The following TMEM132B variants were observed in gnomAD, a reference collection of about 807,000 sequenced individuals.
The protein encoded by TMEM132B is transmembrane protein 132B.
TMEM132B carries 18 observed loss-of-function variants against 90.8 expected under a neutral mutation model. That is an observed-to-expected ratio of 0.20 (90% confidence interval 0.14 to 0.29). The LOEUF is 0.29. TMEM132B is among the 10% of genes least tolerant of loss of function. TMEM132B has a pLI of 1.00. For missense variants in TMEM132B, 1,096 were observed against 1,326.8 expected (o/e 0.83, Z 2.70); for synonymous variants, 504 against 523.3 (o/e 0.96, Z 0.50).
At chr12:125,483,594 G>A (rs1204457636) in intron 3 of TMEM132B, among the ~76,000 whole-genome samples, 1 of 152,196 alleles carries the variant, frequency 6.6e-6, no homozygotes, top group Non-Finnish European at 1.5e-5. Flanking sequence ...CAACTAGACA[G>A]GGACTATTGC....
chr12:125,299,400 C>A (rs750931593), intron 1 of TMEM132B, among the ~76,000 whole-genome samples: 1 of 152,160 alleles, frequency 6.6e-6, no homozygotes, highest in Non-Finnish European at 1.5e-5. Context: ...ATCTCCCTGA[C>A]CTTCGGCATC....
chr12:125,515,235 C>T (rs920394099), intron 3 of TMEM132B, among the ~76,000 whole-genome samples: 2 of 148,492 alleles, frequency 1.3e-5, no homozygotes, highest in African/African-American at 5.0e-5. Flanking sequence ...TTCTCTCACA[C>T]ACATGCATTC....
At position 125,349,621 on chromosome 12, in the gene TMEM132B, C is replaced by A; in HGVS notation, c.237C>A (p.Phe79Leu). The change falls in exon 2 of 9, where the codon TTC (phenylalanine) becomes TTA (leucine). Residue 79 changes from phenylalanine to leucine, a missense_variant. Physicochemically the swap from Phe to Leu is conservative, Grantham distance 22. Coordinates refer to ENST00000682704, the MANE Select transcript of TMEM132B (RefSeq NM_001366854.1). This position sits in a 1 kb window ranked among gnomAD's most constrained non-coding sequence, Gnocchi z 4.1. ...TGCAGGCCCGGGTGGAGCCATTCTTCATCTACCGAGCCAGGACACCCCCTA... is the reference window on the plus strand; with the variant it reads ...TGCAGGCCCGGGTGGAGCCATTCTTAATCTACCGAGCCAGGACACCCCCTA... ...SSLQARVEPF[F>L]IYRARTPPII... 2.5e-6 allele frequency: 4 copies of A among 1,614,164 alleles called. No individual in the cohort carries two copies. In the South Asian group the frequency reaches 4.4e-5, roughly 18 times the overall value.
intron 1 of TMEM132B, among the ~76,000 whole-genome samples, chr12:125,328,008 G>A (rs944966783): frequency 2.6e-5 from 4 of 152,236 alleles, no homozygotes; most frequent in South Asian, 2.1e-4. Flanking sequence ...TACAAGGACC[G>A]TCTTTGGCCC....
intron 5 of TMEM132B, among the ~76,000 whole-genome samples, chr12:125,589,640 A>G (rs989866646): frequency 6.6e-6 from 1 of 152,130 alleles, no homozygotes; most frequent in African/African-American, 2.4e-5. Flanking sequence ...GCCATATCAG[A>G]AGATGAAGGA....
At chr12:125,215,384 C>G (rs1873410506) in intron 1 of TMEM132B, among the ~76,000 whole-genome samples, 1 of 152,178 alleles carries the variant, frequency 6.6e-6, no homozygotes, top group Non-Finnish European at 1.5e-5. Flanking sequence ...GGGAGAATCT[C>G]TTTTTTCTTG....
At chr12:125,360,267 A>G (rs1877918361) in intron 2 of TMEM132B, among the ~76,000 whole-genome samples, 1 of 152,162 alleles carries the variant, frequency 6.6e-6, no homozygotes, top group South Asian at 2.1e-4. Context: ...TTACTCTTAC[A>G]CCCCAAACCT....
intron 5 of TMEM132B, among the ~76,000 whole-genome samples, chr12:125,608,013 C>T (rs559762484): frequency 6.6e-6 from 1 of 152,136 alleles, no homozygotes; most frequent in East Asian, 1.9e-4. Flanking sequence ...GGGTTGATTT[C>T]ACTTTTTGAG....
intron 2 of TMEM132B, among the ~76,000 whole-genome samples, chr12:125,374,695 G>A (rs549867367): frequency 6.6e-6 from 1 of 151,792 alleles, no homozygotes; most frequent in South Asian, 2.1e-4. Flanking sequence ...TTTCTGCTTG[G>A]CAACCTTGCA....
At chr12:125,409,565 G>C (rs550767858) in intron 2 of TMEM132B, among the ~76,000 whole-genome samples, 39 of 150,140 alleles carry the variant, frequency 2.6e-4, no homozygotes, top group African/African-American at 9.3e-4. Context: ...GGACAGTGGA[G>C]TGGAGTGAGT....
intron 1 of TMEM132B, chr12:125,301,401 G>GC (rs1875820416): frequency 6.6e-6 from 1 of 152,262 alleles, no homozygotes; most frequent in African/African-American, 2.4e-5. Context: ...CAGGGGGATG[G>GC]CCCGTGCACC....
chr12:125,422,843 C>T (rs1029002057), intron 3 of TMEM132B, among the ~76,000 whole-genome samples: 9 of 152,210 alleles, frequency 5.9e-5, no homozygotes, highest in Admixed American at 1.3e-4. Context: ...TTTCTTTCAA[C>T]ACCTTGACTT....
At chr12:125,197,176 C>T (rs1048269515) in intron 1 of TMEM132B, among the ~76,000 whole-genome samples, 1 of 152,010 alleles carries the variant, frequency 6.6e-6, no homozygotes, top group Non-Finnish European at 1.5e-5. Context: ...TCCTGTAGGC[C>T]CCAGTGTGTG....
intron 1 of TMEM132B, among the ~76,000 whole-genome samples, chr12:125,258,803 A>G (rs555688281): frequency 6.6e-6 from 1 of 152,346 alleles, no homozygotes; most frequent in African/African-American, 2.4e-5. Context: ...TAACGGGATC[A>G]GGAGTGACTG....
chr12:125,456,551 G>A lies in TMEM132B; in HGVS notation c.1106+40874G>A, dbSNP rs183857580. ...CCTCTGTGGGGCTTTGCCTGCTGAG[G>A]AGCCTTCAGCCCTAAAGGGAAGAGG... is the stretch of plus-strand genomic sequence containing the variant. On this transcript the variant is annotated intron_variant, in intron 3 of 8. Coordinates refer to ENST00000682704, the MANE Select transcript of TMEM132B (RefSeq NM_001366854.1). Among the ~76,000 whole-genome samples, 7 of 152,328 alleles carry A rather than the reference G, an allele frequency of 4.6e-5. No homozygotes were observed. The East Asian group carries it at 1.4e-3, about 29-fold the overall frequency.
intron 6 of TMEM132B, among the ~76,000 whole-genome samples, chr12:125,646,782 G>C (rs762675686): frequency 4.6e-5 from 7 of 152,174 alleles, no homozygotes; most frequent in African/African-American, 9.7e-5. Flanking sequence ...TATACAGAAC[G>C]TCCAGAATAT....
At chr12:125,413,875 G>C (rs1879931101) in intron 2 of TMEM132B, among the ~76,000 whole-genome samples, 1 of 126,556 alleles carries the variant, frequency 7.9e-6, no homozygotes, top group South Asian at 3.1e-4. Flanking sequence ...GGAATTGCTA[G>C]ACCATATGGT....
chr12:125,245,267 C>G lies in TMEM132B; in HGVS notation c.67+58401C>G, dbSNP rs913520676. On this transcript the variant is annotated intron_variant, in intron 1 of 8. Coordinates refer to ENST00000682704, the MANE Select transcript of TMEM132B (RefSeq NM_001366854.1). ...CTTTCCTTGTTCCCAGATGCCCCCC[C>G]AGGCAGCCCCCCACTGCAGTTCAGG... Among the ~76,000 whole-genome samples the G allele has an allele frequency of 8.1e-5, 12 of 147,526 alleles. No individual in the cohort carries two copies. The East Asian group carries it at 1.6e-3, about 20-fold the overall frequency.
intron 5 of TMEM132B, among the ~76,000 whole-genome samples, chr12:125,634,463 A>T (rs982412130): frequency 6.6e-6 from 1 of 152,168 alleles, no homozygotes; most frequent in African/African-American, 2.4e-5. Flanking sequence ...GAAATTCTTT[A>T]CTTTTCCCTC....
Sources: gnomAD v4.1 joint callset for allele counts (sites outside exome capture counted in the v4.1 genomes callset) on GRCh38, gnomAD v4.1.1 for gene constraint, Gnocchi (gnomAD v3.1) non-coding constraint, MANE v1.5 for transcripts, NCBI Gene and HGNC (gene_info 2026-07-23, HGNC 2026-07-21) for gene names.